MBTD1: variants seen among roughly 807,000 people sequenced by gnomAD.
MBTD1 encodes mbt domain containing 1, also known as MBT domain-containing protein 1.
A neutral mutation model predicts 87.8 loss-of-function variants in MBTD1; 24 were observed. The observed-to-expected ratio is 0.27, with a 90% CI of 0.20 to 0.38. MBTD1 has a LOEUF of 0.38. Ranked by LOEUF, MBTD1 falls within the 10% of genes least tolerant of loss-of-function variation. The probability of loss-of-function intolerance (pLI) is 1.00; values close to 1 mark genes in which losing one functional copy is unlikely to be tolerated. For synonymous variants in MBTD1, 237 were observed against 248.6 expected (o/e 0.95, Z 0.44); for missense variants, 436 against 760.2 (o/e 0.57, Z 5.02).
At chr17:51,235,882 C>T (rs2053801449) in intron 2 of MBTD1, among the ~76,000 whole-genome samples, 1 of 152,112 alleles carries the variant, frequency 6.6e-6, no homozygotes, top group South Asian at 2.1e-4. Context: ...AAGACTAAAG[C>T]TTCCTGACTC....
At chr17:51,233,611 CAA>C (rs1390762549) in intron 2 of MBTD1, among the ~76,000 whole-genome samples, 2 of 151,250 alleles carry the variant, frequency 1.3e-5, no homozygotes, top group Non-Finnish European at 2.9e-5. Context: ...ATCCAAAATC[CAA>C]TTAAGAGATA....
chr17:51,249,421 T>C (rs189076351), intron 2 of MBTD1, among the ~76,000 whole-genome samples: 8 of 152,362 alleles, frequency 5.3e-5, no homozygotes, highest in Admixed American at 5.2e-4. Context: ...TTTTGCTTTA[T>C]ACAGATTGTT....
At chr17:51,213,951 T>C (rs1351826559) in intron 6 of MBTD1, among the ~76,000 whole-genome samples, 1 of 151,674 alleles carries the variant, frequency 6.6e-6, no homozygotes, top group Non-Finnish European at 1.5e-5. Context: ...TTATGATGCT[T>C]AAATAAAAGG....
chr17:51,201,664 G>C lies in MBTD1; in HGVS notation c.1152C>G (p.Phe384Leu). 6.2e-7 allele frequency: 1 copy of C among 1,611,062 alleles called. No homozygotes were observed. Among genetic ancestry groups the C allele is most frequent in the Non-Finnish European group, 8.5e-7 (1 of 1,177,950 alleles). ...VKEVDQSGEW[F>L]KEGMKLEAID... is the part of the protein sequence containing the mutation. ...TAGCTTCCAATTTCATTCCTTCCTT[G>C]AACCATTCCCCACTCTGGTCTACTT... Residue 384 changes from phenylalanine (F) to leucine (L), a missense_variant, in exon 12 of 17, where the codon TTC (phenylalanine) becomes TTG (leucine). By Grantham distance (22) the Phe-to-Leu change is conservative. Transcript: ENST00000586178.
At chr17:51,233,730 T>A (rs1193073031) in intron 2 of MBTD1, among the ~76,000 whole-genome samples, 1 of 152,096 alleles carries the variant, frequency 6.6e-6, no homozygotes, top group African/African-American at 2.4e-5. Context: ...AGAGACCATA[T>A]AAGCCCAGCT....
chr17:51,180,615 G>A lies in MBTD1; in HGVS notation c.1848C>T (p.Ser616=), dbSNP rs2050263281. The A allele has an allele frequency of 3.2e-6, 5 of 1,551,224 alleles. No individual in the cohort carries two copies. Among genetic ancestry groups the A allele is most frequent in the Non-Finnish European group, 4.4e-6 (5 of 1,146,550 alleles). ...TGATGTAGAAGTTGGCAGAGCCATTGCTTTCCTGATCAGACGCTCCTTGAA... is the reference window on the plus strand; with the variant it reads ...TGATGTAGAAGTTGGCAGAGCCATTACTTTCCTGATCAGACGCTCCTTGAA... The part of the protein sequence containing the change: ...NFLQGASDQE[S]NGSANFYIKQ... The change falls in exon 17 of 17, where the codon AGC becomes AGT. Residue 616 remains serine (S), a synonymous_variant. Coordinates refer to ENST00000586178, the MANE Select transcript of MBTD1 (RefSeq NM_017643.3).
chr17:51,237,214 TAACCCCAG>T, intron 2 of MBTD1, among the ~76,000 whole-genome samples: 1 of 144,546 alleles, frequency 6.9e-6, no homozygotes, highest in African/African-American at 2.6e-5. Flanking sequence ...AAGAATCGCT[TAACCCCAG>T]GAGGCAGAGG....
chr17:51,247,040 TTAA>T (rs2054478924), intron 2 of MBTD1, among the ~76,000 whole-genome samples: 1 of 152,216 alleles, frequency 6.6e-6, no homozygotes, highest in Non-Finnish European at 1.5e-5. Flanking sequence ...GTGGTGTTTC[TTAA>T]TAAGATTCTG....
chr17:51,203,084 C>T (rs924554487), intron 9 of MBTD1, 56 bp downstream of exon 9: 2 of 1,400,064 alleles, frequency 1.4e-6, no homozygotes, highest in African/African-American at 2.9e-5. Context: ...TAAAAATGTT[C>T]TCTGTTACCC....
At chr17:51,194,349 C>T (rs1403826381) in intron 13 of MBTD1, among the ~76,000 whole-genome samples, 1 of 151,990 alleles carries the variant, frequency 6.6e-6, no homozygotes, top group Non-Finnish European at 1.5e-5. Flanking sequence ...GTGGGTGGAT[C>T]ACTTGAGGCC....
At chr17:51,260,558 C>G, upstream of MBTD1, 3 of 1,597,292 alleles carry the variant, frequency 1.9e-6, no homozygotes, top group Non-Finnish European at 2.6e-6. Context: ...TCCACGTGAG[C>G]GCCTGCGTTT....
chr17:51,260,692 C>A (rs2055429297), upstream of MBTD1: 1 of 1,606,394 alleles, frequency 6.2e-7, no homozygotes, highest in South Asian at 1.1e-5. Flanking sequence ...CGGGGCCAGG[C>A]GGGCCTCCCC....
intron 2 of MBTD1, chr17:51,249,939 G>A (rs2054678343): frequency 6.6e-6 from 1 of 152,240 alleles, no homozygotes; most frequent in South Asian, 2.1e-4. Context: ...CTGTTGCCCA[G>A]GCTGGAGTGC....
intron 2 of MBTD1, chr17:51,250,710 A>C (rs2054729413): frequency 6.6e-6 from 1 of 152,214 alleles, no homozygotes; most frequent in Non-Finnish European, 1.5e-5. Context: ...TTCTGGTATG[A>C]ACTTCTGTGG....
intron 16 of MBTD1, among the ~76,000 whole-genome samples, chr17:51,189,574 C>T (rs982223227): frequency 1.3e-5 from 2 of 152,158 alleles, no homozygotes; most frequent in Non-Finnish European, 2.9e-5. Flanking sequence ...ACAAATCCTA[C>T]AAGAGTCACG....
chr17:51,242,839 T>C (rs1340630097), intron 2 of MBTD1, among the ~76,000 whole-genome samples: 1 of 152,188 alleles, frequency 6.6e-6, no homozygotes, highest in Non-Finnish European at 1.5e-5. Flanking sequence ...TTCACAAAAG[T>C]CACATACTAT....
chr17:51,192,347 G>A, intron 15 of MBTD1, 67 bp from the exon 16 acceptor site: 1 of 1,084,318 alleles, frequency 9.2e-7, no homozygotes, highest in Non-Finnish European at 1.4e-6. Flanking sequence ...CAGTTGTCTA[G>A]ATACAACTTA....
intron 2 of MBTD1, among the ~76,000 whole-genome samples, chr17:51,252,361 GTAAGCATA>G (rs1434173223): frequency 6.6e-6 from 1 of 152,176 alleles, no homozygotes; most frequent in East Asian, 1.9e-4. Context: ...GCTAGCCTCT[GTAAGCATA>G]CAAAACAAGC....
In MBTD1 at chr17:51,219,046, T is replaced by A; in HGVS notation, c.289-2A>T. 6.7e-7 allele frequency: 1 copy of A among 1,500,314 alleles called. No homozygotes were observed. The highest frequency in any genetic ancestry group is 9.1e-7 in the Non-Finnish European group (1 of 1,100,338). The allele number at this position is 1,500,314 out of a possible 1,614,324, so 92.9% of individuals were successfully genotyped here. On this transcript the variant is annotated splice_acceptor_variant, in intron 4 of 16. Coordinates refer to ENST00000586178, the MANE Select transcript of MBTD1 (RefSeq NM_017643.3). LOFTEE classifies it high-confidence loss of function. ...TGCTTTCTTTGTTGGAGGCTTACCC[T>A]AAAACAAGAAAAGTTAAGTAAATAG...
Sources: allele counts gnomAD v4.1 joint callset (sites outside exome capture counted in the v4.1 genomes callset), GRCh38; gene constraint gnomAD v4.1.1; transcripts MANE v1.5; gene names NCBI Gene and HGNC (gene_info 2026-07-23, HGNC 2026-07-21).